The following NSMCE2 variants were observed in gnomAD, a reference collection of about 807,000 sequenced individuals.
The protein encoded by NSMCE2 is NSE2 SUMO ligase component of SMC5/6 complex, also known as E3 SUMO-protein ligase NSE2.
A neutral mutation model predicts 23.8 loss-of-function variants in NSMCE2; 24 were observed. The observed-to-expected ratio is 1.01, with a 90% CI of 0.73 to 1.42. The LOEUF is 1.42. Ranked by LOEUF, NSMCE2 falls within the 40% of genes most tolerant of loss-of-function variation. The pLI, the probability that NSMCE2 is intolerant of heterozygous loss-of-function variation, is 0.00. For synonymous variants in NSMCE2, 92 were observed against 94.1 expected (o/e 0.98, Z 0.13); for missense variants, 284 against 296.5 (o/e 0.96, Z 0.31).
chr8:125,234,386 T>C (rs577099236), intron 5 of NSMCE2, among the ~76,000 whole-genome samples: 25 of 152,360 alleles, frequency 1.6e-4, no homozygotes, highest in Admixed American at 7.2e-4. Context: ...ATTTTTCAGA[T>C]TGTGAAAACT....
At chr8:125,297,068 C>T (rs1216422378) in intron 5 of NSMCE2, among the ~76,000 whole-genome samples, 1 of 152,160 alleles carries the variant, frequency 6.6e-6, no homozygotes, top group Non-Finnish European at 1.5e-5. Flanking sequence ...ACAATCACTT[C>T]ACTGGGCCAT....
chr8:125,303,697 G>A (rs1586742302), intron 5 of NSMCE2, among the ~76,000 whole-genome samples: 1 of 152,108 alleles, frequency 6.6e-6, no homozygotes, highest in Non-Finnish European at 1.5e-5. Flanking sequence ...AACAAAAATG[G>A]AGAGTAAAAC....
intron 7 of NSMCE2, among the ~76,000 whole-genome samples, chr8:125,360,587 G>C (rs1322424392): frequency 6.7e-6 from 1 of 149,852 alleles, no homozygotes; most frequent in Non-Finnish European, 1.5e-5. Context: ...CAGGAAGAGT[G>C]ATAAGGAGTG....
intron 4 of NSMCE2, among the ~76,000 whole-genome samples, chr8:125,162,231 T>C (rs910378409): frequency 2.0e-5 from 3 of 152,224 alleles, no homozygotes; most frequent in Non-Finnish European, 4.4e-5. Context: ...AAAAAAATTT[T>C]AATTGTTTGA....
At chr8:125,163,459 A>G (rs1181931365) in intron 4 of NSMCE2, among the ~76,000 whole-genome samples, 1 of 152,148 alleles carries the variant, frequency 6.6e-6, no homozygotes, top group Non-Finnish European at 1.5e-5. Flanking sequence ...CTTCTAATCC[A>G]TGTTCTACCA....
intron 5 of NSMCE2, among the ~76,000 whole-genome samples, chr8:125,269,632 A>G (rs1286653807): frequency 4.6e-5 from 7 of 152,188 alleles, no homozygotes; most frequent in Admixed American, 4.6e-4. Context: ...GATCATTAAG[A>G]TCCTTGTTTT....
intron 5 of NSMCE2, among the ~76,000 whole-genome samples, chr8:125,269,479 C>G (rs576870990): frequency 6.6e-6 from 1 of 152,214 alleles, no homozygotes; most frequent in Non-Finnish European, 1.5e-5. Flanking sequence ...CAAAACCATG[C>G]CACTATAAAA....
chr8:125,268,298 A>G (rs2131075719), intron 5 of NSMCE2, among the ~76,000 whole-genome samples: 1 of 152,240 alleles, frequency 6.6e-6, no homozygotes, highest in East Asian at 1.9e-4. Context: ...TTAGAAAGGA[A>G]AGGAAAGTTG....
chr8:125,245,104 A>G (rs1312271551), intron 5 of NSMCE2, among the ~76,000 whole-genome samples: 1 of 152,120 alleles, frequency 6.6e-6, no homozygotes, highest in Non-Finnish European at 1.5e-5. Context: ...CAACATGGTA[A>G]AACCCTATCT....
intron 5 of NSMCE2, among the ~76,000 whole-genome samples, chr8:125,282,115 AT>A (rs11365667): frequency 0.11 from 16,548 of 147,050 alleles, 1,144 homozygotes; most frequent in African/African-American, 0.18. Context: ...TCATCCCTTA[AT>A]TTTTTTTTTT....
intron 3 of NSMCE2, among the ~76,000 whole-genome samples, chr8:125,135,560 A>G (rs1820023538): frequency 6.6e-6 from 1 of 151,722 alleles, no homozygotes; most frequent in Non-Finnish European, 1.5e-5. Context: ...GAAGTTTTGT[A>G]TATGGAATAA....
intron 5 of NSMCE2, among the ~76,000 whole-genome samples, chr8:125,272,846 T>TACAC (rs10635587): frequency 2.1e-5 from 3 of 139,754 alleles, no homozygotes; most frequent in East Asian, 2.0e-4. Context: ...CACACGTATA[T>TACAC]ACACACACAC....
intron 5 of NSMCE2, among the ~76,000 whole-genome samples, chr8:125,207,133 C>A (rs1014648572): frequency 1.3e-5 from 2 of 151,368 alleles, no homozygotes; most frequent in Non-Finnish European, 2.9e-5. Context: ...ATTATGGGGG[C>A]AGAGGGATGG....
intron 5 of NSMCE2, among the ~76,000 whole-genome samples, chr8:125,270,044 A>G (rs1445421729): frequency 5.3e-5 from 8 of 152,222 alleles, no homozygotes; most frequent in Non-Finnish European, 2.9e-5. Flanking sequence ...TTGCAACTGT[A>G]GTAGCAATAA....
chr8:125,343,963 G>A (rs1212671846), intron 5 of NSMCE2, among the ~76,000 whole-genome samples: 2 of 152,108 alleles, frequency 1.3e-5, no homozygotes, highest in East Asian at 1.9e-4. Context: ...CCGAGATCGC[G>A]CCACTGCACA....
At chr8:125,237,720 C>T (rs1825617722) in intron 5 of NSMCE2, among the ~76,000 whole-genome samples, 1 of 152,156 alleles carries the variant, frequency 6.6e-6, no homozygotes, top group Admixed American at 6.5e-5. Flanking sequence ...TTCCTGAGTC[C>T]AGTCAGTGAG....
intron 5 of NSMCE2, among the ~76,000 whole-genome samples, chr8:125,332,678 A>T (rs776725188): frequency 2.6e-5 from 4 of 152,222 alleles, no homozygotes; most frequent in Admixed American, 1.3e-4. Context: ...AATGCTTTGT[A>T]CACTGCTATA....
intron 5 of NSMCE2, among the ~76,000 whole-genome samples, chr8:125,309,248 C>CAAA (rs111355815): frequency 9.8e-4 from 64 of 65,160 alleles, no homozygotes; most frequent in East Asian, 2.3e-3. Context: ...AACTCTGTCT[C>CAAA]AAAAAAAAAA....
chr8:125,288,281 G>T (rs568082024), intron 5 of NSMCE2, among the ~76,000 whole-genome samples: 2 of 152,246 alleles, frequency 1.3e-5, no homozygotes, highest in Admixed American at 1.3e-4. Context: ...TTCTCTGACT[G>T]CTGGGACGTA....
Sources: gnomAD v4.1 joint callset for allele counts (sites outside exome capture counted in the v4.1 genomes callset) on GRCh38, gnomAD v4.1.1 for gene constraint, MANE v1.5 for transcripts, NCBI Gene and HGNC (gene_info 2026-07-23, HGNC 2026-07-21) for gene names.